The following CBFA2T2 variants were observed in gnomAD, a reference collection of about 807,000 sequenced individuals.
CBFA2T2 encodes protein CBFA2T2.
CBFA2T2 carries 11 observed loss-of-function variants against 62.2 expected under a neutral mutation model. The ratio of observed to expected loss-of-function variants is 0.18; its 90% CI spans 0.11 to 0.29. The LOEUF is 0.29. CBFA2T2 is among the 10% of genes least tolerant of loss of function. The pLI is 1.00. For synonymous variants in CBFA2T2, 295 were observed against 287.5 expected, an observed-to-expected ratio of 1.03 and a Z score of -0.27; for missense variants, 592 against 774.1, an observed-to-expected ratio of 0.76 and a Z score of 2.79.
chr20:33,514,834 C>G (rs1051538465), intron 1 of CBFA2T2, among the ~76,000 whole-genome samples: 22 of 151,806 alleles, frequency 1.4e-4, no homozygotes, highest in Admixed American at 3.9e-4. Context: ...GTAGCTGGGA[C>G]TACTGGTGCC....
At chr20:33,553,257 C>T (rs762871536) in intron 1 of CBFA2T2, among the ~76,000 whole-genome samples, 37 of 152,124 alleles carry the variant, frequency 2.4e-4, no homozygotes, top group Non-Finnish European at 5.1e-4. Flanking sequence ...GGGAGTTTCA[C>T]TCTGTTACCC....
chr20:33,532,201 C>T (rs183037449), intron 1 of CBFA2T2, among the ~76,000 whole-genome samples: 84 of 152,234 alleles, frequency 5.5e-4, no homozygotes, highest in African/African-American at 1.9e-3. Flanking sequence ...CAGAACACTG[C>T]GTTTAGGCTA....
At chr20:33,614,370 A>G (rs2064019861) in intron 3 of CBFA2T2, among the ~76,000 whole-genome samples, 1 of 152,212 alleles carries the variant, frequency 6.6e-6, no homozygotes. Flanking sequence ...AGAGCCTATG[A>G]GCACCACAGG....
At chr20:33,599,507 T>C (rs1395170715) in intron 1 of CBFA2T2, among the ~76,000 whole-genome samples, 1 of 152,206 alleles carries the variant, frequency 6.6e-6, no homozygotes, top group African/African-American at 2.4e-5. Flanking sequence ...TGTTGGTACA[T>C]GTTAAAGTAT....
intron 1 of CBFA2T2, among the ~76,000 whole-genome samples, chr20:33,552,314 CAT>C (rs1265082678): frequency 1.3e-5 from 2 of 152,140 alleles, no homozygotes; most frequent in African/African-American, 2.4e-5. Flanking sequence ...GCTGTTTAAA[CAT>C]GTGCTAAATA....
intron 9 of CBFA2T2, chr20:33,639,231 T>C (rs2016734665): frequency 6.6e-6 from 1 of 152,244 alleles, no homozygotes; most frequent in African/African-American, 2.4e-5. Context: ...GCTATCTCTG[T>C]CTTTAATCTT....
chr20:33,547,490 T>C (rs946328677), intron 1 of CBFA2T2, among the ~76,000 whole-genome samples: 2 of 151,920 alleles, frequency 1.3e-5, no homozygotes, highest in African/African-American at 4.8e-5. Context: ...ATAGCTTGAG[T>C]CTAGGAGTTT....
Position 33,640,531 on chromosome 20 carries a change from G to A in CBFA2T2, c.1488G>A (p.Glu496=). The change falls in exon 10 of 11, where the codon GAG becomes GAA. Residue 496 remains glutamate, a splice_region_variant and synonymous_variant. Coordinates refer to ENST00000342704, the MANE Select transcript of CBFA2T2 (RefSeq NM_001032999.3). ...TCAATGAGCAAGAGGAGTCCACGGAGGTCAGAGCTCTGCGCCCTGGGGGCT... is the reference window on the plus strand; with the variant it reads ...TCAATGAGCAAGAGGAGTCCACGGAAGTCAGAGCTCTGCGCCCTGGGGGCT... ...LVINEQEEST[E]NCWNCGRKAS... The A allele has an allele frequency of 1.2e-6, 2 of 1,613,994 alleles. No homozygotes were observed. The highest frequency in any genetic ancestry group is 1.7e-6 in the Non-Finnish European group (2 of 1,179,936).
chr20:33,539,669 GT>G (rs1165687045), intron 1 of CBFA2T2, among the ~76,000 whole-genome samples: 2 of 149,348 alleles, frequency 1.3e-5, no homozygotes, highest in African/African-American at 4.9e-5. Context: ...GCGAAGTAAG[GT>G]TTTTTTTGTT....
chr20:33,536,408 T>C (rs1293271739), intron 1 of CBFA2T2, among the ~76,000 whole-genome samples: 1 of 131,574 alleles, frequency 7.6e-6, no homozygotes, highest in Non-Finnish European at 1.6e-5. Context: ...CCGGACAGGG[T>C]GGCTGGCCGG....
intron 1 of CBFA2T2, among the ~76,000 whole-genome samples, chr20:33,549,881 T>C (rs976778481): frequency 4.7e-4 from 68 of 144,022 alleles, no homozygotes; most frequent in East Asian, 2.7e-3. Flanking sequence ...TTTTTTTTTT[T>C]CTCTAAATCA....
chr20:33,583,578 A>T (rs1288291298), intron 1 of CBFA2T2, among the ~76,000 whole-genome samples: 1 of 152,200 alleles, frequency 6.6e-6, no homozygotes, highest in African/African-American at 2.4e-5. Flanking sequence ...GTTTCCAAAA[A>T]CGGATAATTA....
At chr20:33,593,528 G>A (rs1218217510) in intron 1 of CBFA2T2, among the ~76,000 whole-genome samples, 1 of 150,494 alleles carries the variant, frequency 6.6e-6, no homozygotes, top group Non-Finnish European at 1.5e-5. Context: ...GAGTAGCTGG[G>A]ATTACAGGCA....
At chr20:33,634,823 A>C (rs1274555155) in intron 8 of CBFA2T2, among the ~76,000 whole-genome samples, 2 of 152,192 alleles carry the variant, frequency 1.3e-5, no homozygotes, top group Non-Finnish European at 1.5e-5. Flanking sequence ...TTTTAGTGAC[A>C]TGTGTGCACA....
At chr20:33,499,812 A>G (rs2011248471) in intron 1 of CBFA2T2, among the ~76,000 whole-genome samples, 4 of 152,022 alleles carry the variant, frequency 2.6e-5, no homozygotes, top group African/African-American at 9.7e-5. Context: ...GTGAGACTCC[A>G]TCTCAGAAAA....
In CBFA2T2 at chr20:33,623,187, C is replaced by G; in HGVS notation, c.583C>G (p.Leu195Val). 1 of 1,614,272 alleles carries G rather than the reference C, an allele frequency of 6.2e-7. No homozygotes were observed. The highest frequency in any genetic ancestry group is 8.5e-7 in the Non-Finnish European group (1 of 1,180,044). Reference protein sequence around the residue: ...RAAKQTPSQYLAQHEHLLLNT... With the variant: ...RAAKQTPSQYVAQHEHLLLNT... ...GGCCAAGCAGACCCCATCCCAGTAC[C>G]TGGCTCAGCACGAACACCTTCTGCT... Residue 195 changes from leucine (L) to valine (V), a missense_variant, in exon 5 of 11, where the codon CTG (leucine) becomes GTG (valine). Transcript: ENST00000342704.
intron 1 of CBFA2T2, among the ~76,000 whole-genome samples, chr20:33,602,170 T>A (rs1045901008): frequency 6.6e-6 from 1 of 152,122 alleles, no homozygotes; most frequent in Non-Finnish European, 1.5e-5. Flanking sequence ...ATCTGCTGTA[T>A]ACCCACCATT....
At chr20:33,603,143 A>G (rs987510365) in intron 1 of CBFA2T2, among the ~76,000 whole-genome samples, 9 of 152,224 alleles carry the variant, frequency 5.9e-5, no homozygotes, top group Admixed American at 1.3e-4. Context: ...GAAACTGCAG[A>G]TAAGAGGAAG....
chr20:33,599,720 G>A (rs959978603), intron 1 of CBFA2T2, among the ~76,000 whole-genome samples: 7 of 151,988 alleles, frequency 4.6e-5, no homozygotes, highest in African/African-American at 1.4e-4. Context: ...AGCCTCCTGA[G>A]TAGCTGGGTT....
Sources: allele counts gnomAD v4.1 joint callset (sites outside exome capture counted in the v4.1 genomes callset), GRCh38; gene constraint gnomAD v4.1.1; transcripts MANE v1.5; gene names NCBI Gene and HGNC (gene_info 2026-07-23, HGNC 2026-07-21).